The following IL1RAPL2 variants were observed in gnomAD, a reference collection of about 807,000 sequenced individuals.
The protein encoded by IL1RAPL2 is X-linked interleukin-1 receptor accessory protein-like 2.
In IL1RAPL2, 3 loss-of-function variants were observed where a neutral mutation model predicts 44.1. The observed-to-expected ratio is 0.07, with a 90% CI of 0.03 to 0.18. The LOEUF is 0.18. IL1RAPL2 is among the 10% of genes least tolerant of loss of function. The pLI, the probability that IL1RAPL2 is intolerant of heterozygous loss-of-function variation, is 1.00. For synonymous variants in IL1RAPL2, 181 were observed against 178.8 expected, an observed-to-expected ratio of 1.01 and a Z score of -0.10; for missense variants, 391 against 496.4, an observed-to-expected ratio of 0.79 and a Z score of 2.02.
intron 7 of IL1RAPL2, among the ~76,000 whole-genome samples, chrX:105,733,984 C>T (rs2147569320): frequency 9.0e-6 from 1 of 111,513 alleles, no homozygotes; most frequent in East Asian, 2.9e-4. Context: ...TTATGTTTAT[C>T]TGACTAAAAG....
chrX:104,917,793 C>T (rs190638977), intron 2 of IL1RAPL2, among the ~76,000 whole-genome samples: 1 of 111,750 alleles, frequency 8.9e-6, no homozygotes, highest in African/African-American at 3.3e-5. Flanking sequence ...TGGCTTAAAA[C>T]GTTGCCTAGA....
intron 2 of IL1RAPL2, among the ~76,000 whole-genome samples, chrX:105,094,841 GTCT>G (rs892259837): frequency 1.2e-4 from 13 of 111,126 alleles, no homozygotes; most frequent in African/African-American, 3.3e-4. Flanking sequence ...GCTTACTTAG[GTCT>G]TTAATTTCTT....
intron 1 of IL1RAPL2, among the ~76,000 whole-genome samples, chrX:104,632,769 A>C (rs1027331793): frequency 9.2e-6 from 1 of 108,412 alleles, no homozygotes; most frequent in Non-Finnish European, 1.9e-5. Flanking sequence ...TTCTAGATAT[A>C]CAATCATGTC....
chrX:105,321,039 C>T (rs2034893543), intron 5 of IL1RAPL2, among the ~76,000 whole-genome samples: 2 of 111,688 alleles, frequency 1.8e-5, no homozygotes, highest in South Asian at 7.6e-4. Flanking sequence ...GATTTCATTT[C>T]CCCTATCTCC....
At chrX:105,070,839 T>C (rs1328595645) in intron 2 of IL1RAPL2, among the ~76,000 whole-genome samples, 1 of 110,577 alleles carries the variant, frequency 9.0e-6, no homozygotes, top group Admixed American at 9.7e-5. Context: ...TGGTCTGATA[T>C]ACATCTTTCC....
At chrX:105,269,968 A>G (rs1222188328) in intron 5 of IL1RAPL2, among the ~76,000 whole-genome samples, 1 of 112,185 alleles carries the variant, frequency 8.9e-6, no homozygotes, top group Non-Finnish European at 1.9e-5. Context: ...TGTATATTTT[A>G]TAAGATGTTA....
chrX:105,376,824 CT>C (rs1402042323), intron 5 of IL1RAPL2, among the ~76,000 whole-genome samples: 2 of 111,722 alleles, frequency 1.8e-5, no homozygotes, highest in African/African-American at 6.5e-5. Context: ...GTAATTTTGT[CT>C]TATTGAACAA....
At chrX:104,981,418 T>A (rs1016951462) in intron 2 of IL1RAPL2, among the ~76,000 whole-genome samples, 4 of 110,831 alleles carry the variant, frequency 3.6e-5, no homozygotes, top group Non-Finnish European at 5.7e-5. Context: ...GCTACCAATT[T>A]TTTTTACATT....
At chrX:105,101,997 G>A (rs2032677115) in intron 2 of IL1RAPL2, among the ~76,000 whole-genome samples, 1 of 112,079 alleles carries the variant, frequency 8.9e-6, no homozygotes, top group Admixed American at 9.5e-5. Context: ...AGGAAATGAT[G>A]TGGAATAGAA....
At chrX:105,709,323 T>C (rs1277463669) in intron 6 of IL1RAPL2, among the ~76,000 whole-genome samples, 1 of 111,797 alleles carries the variant, frequency 8.9e-6, no homozygotes, top group Non-Finnish European at 1.9e-5. Context: ...AGCAAGCTGA[T>C]TCAGGCCAAA....
At chrX:105,114,452 A>G (rs1276670295) in intron 2 of IL1RAPL2, among the ~76,000 whole-genome samples, 2 of 112,211 alleles carry the variant, frequency 1.8e-5, no homozygotes, top group Non-Finnish European at 3.8e-5. Context: ...CCCTTTGCAT[A>G]TTCTGAGTTA....
At chrX:105,691,805 T>C (rs115383108) in intron 6 of IL1RAPL2, among the ~76,000 whole-genome samples, 1,154 of 111,350 alleles carry the variant, frequency 0.01, 22 homozygotes, top group African/African-American at 0.036. Flanking sequence ...AGTAATGAGA[T>C]GAAATGCAAA....
chrX:105,207,407 G>T (rs931381026), intron 3 of IL1RAPL2, among the ~76,000 whole-genome samples: 2 of 111,752 alleles, frequency 1.8e-5, no homozygotes, highest in East Asian at 2.8e-4. Flanking sequence ...TCTGAGGATA[G>T]ATTTAACGTA....
intron 2 of IL1RAPL2, among the ~76,000 whole-genome samples, chrX:105,081,226 T>C (rs779741061): frequency 1.6e-3 from 176 of 111,250 alleles, no homozygotes; most frequent in African/African-American, 5.3e-3. Flanking sequence ...TCTTACCTGA[T>C]TGACCTGGCC....
chrX:105,071,155 T>A (rs1405182572), intron 2 of IL1RAPL2, among the ~76,000 whole-genome samples: 1 of 111,027 alleles, frequency 9.0e-6, no homozygotes, highest in African/African-American at 3.3e-5. Flanking sequence ...AAAGACTCCA[T>A]GAAAAACTGT....
chrX:104,608,239 G>C (rs987260588), intron 1 of IL1RAPL2, among the ~76,000 whole-genome samples: 2 of 110,274 alleles, frequency 1.8e-5, no homozygotes, highest in Non-Finnish European at 3.8e-5. Context: ...GGGGTGGGGG[G>C]CTGTGGGAGG....
At chrX:105,207,511 T>C (rs1311656321) in intron 3 of IL1RAPL2, among the ~76,000 whole-genome samples, 1 of 111,884 alleles carries the variant, frequency 8.9e-6, no homozygotes, top group Non-Finnish European at 1.9e-5. Context: ...ATCTCTTGTA[T>C]GTTTCAGCTG....
At chrX:105,356,139 GGTGTGTGTGTAT>G (rs1268969202) in intron 5 of IL1RAPL2, among the ~76,000 whole-genome samples, 6 of 104,022 alleles carry the variant, frequency 5.8e-5, no homozygotes, top group Non-Finnish European at 9.6e-5. Flanking sequence ...ACTGCTGTGG[GGTGTGTGTGTAT>G]GTGTGTGTGT....
At chrX:104,803,716 C>T (rs781027496) in intron 2 of IL1RAPL2, among the ~76,000 whole-genome samples, 1 of 112,548 alleles carries the variant, frequency 8.9e-6, no homozygotes, top group African/African-American at 3.2e-5. Context: ...ATAGTTTATC[C>T]ATTCTTCCTG....
Sources: allele counts gnomAD v4.1 joint callset (sites outside exome capture counted in the v4.1 genomes callset), GRCh38; gene constraint gnomAD v4.1.1; transcripts MANE v1.5; gene names NCBI Gene and HGNC (gene_info 2026-07-23, HGNC 2026-07-21).